The following MED12L variants were observed in gnomAD, a reference collection of about 807,000 sequenced individuals.
The protein encoded by MED12L is mediator complex subunit 12L.
In MED12L, 60 loss-of-function variants were observed where a neutral mutation model predicts 281.3. The ratio of observed to expected loss-of-function variants is 0.21; its 90% CI spans 0.17 to 0.26. The LOEUF is 0.26. Among genes scored for constraint, MED12L ranks in the 10% least tolerant of loss-of-function variants. MED12L has a pLI of 1.00. For missense variants in MED12L, 2,146 were observed against 2,680.9 expected (o/e 0.80, Z 4.41); for synonymous variants, 974 against 987.2 (o/e 0.99, Z 0.25).
At chr3:151,249,990 T>C (rs1006399470) in intron 16 of MED12L, among the ~76,000 whole-genome samples, 5 of 152,168 alleles carry the variant, frequency 3.3e-5, no homozygotes, top group Non-Finnish European at 7.3e-5. Context: ...ATGCCTGTTA[T>C]CATTATCAAA....
Position 151,116,064 on chromosome 3 carries a change from C to CAAA in MED12L, c.100-253_100-251dup, listed in dbSNP as rs59017489. 3.1e-4 allele frequency among the ~76,000 whole-genome samples: 29 copies of CAAA among 92,260 alleles called. 1 individual carries two copies. Among genetic ancestry groups the CAAA allele is most frequent in the East Asian group, 5.8e-4 (2 of 3,446 alleles). The allele number at this position is 92,260 out of a possible 152,430, so 60.5% of individuals were successfully genotyped here. On this transcript the variant is annotated intron_variant, in intron 2 of 44. Coordinates refer to ENST00000687756, the MANE Select transcript of MED12L (RefSeq NM_001393769.1). The stretch of plus-strand genomic sequence containing the variant: ...GGGCGACAGAGCGAGACTCCATCTC[C>CAAA]AAAAAAAAAAAAAAAAAAAAAAAGA...
At chr3:151,176,652 T>C (rs1428821711) in intron 11 of MED12L, among the ~76,000 whole-genome samples, 1 of 152,138 alleles carries the variant, frequency 6.6e-6, no homozygotes, top group African/African-American at 2.4e-5. Context: ...GGCATAATCC[T>C]TTTATGCAAA....
chr3:151,219,921 C>T (rs1302059610), intron 16 of MED12L, among the ~76,000 whole-genome samples: 3 of 117,278 alleles, frequency 2.6e-5, no homozygotes, highest in Admixed American at 1.1e-4. Flanking sequence ...TATGGATGAT[C>T]GAATCAATTT....
chr3:151,178,683 T>C (rs1055401715), intron 11 of MED12L, among the ~76,000 whole-genome samples: 1 of 152,204 alleles, frequency 6.6e-6, no homozygotes, highest in African/African-American at 2.4e-5. Flanking sequence ...AGTTTCCTTA[T>C]TTGTAAACTG....
intron 16 of MED12L, among the ~76,000 whole-genome samples, chr3:151,226,150 C>T (rs1730448594): frequency 6.6e-6 from 1 of 152,176 alleles, no homozygotes; most frequent in Non-Finnish European, 1.5e-5. Context: ...CACAGGAACA[C>T]AGTGAGCACG....
chr3:151,430,357 G>A lies in MED12L; in HGVS notation c.6467G>A (p.Arg2156Gln), dbSNP rs1006508257. The A allele has an allele frequency of 4.3e-6, 7 of 1,614,028 alleles. No individual in the cohort carries two copies. The highest frequency in any genetic ancestry group is 1.6e-4 in the Middle Eastern group (1 of 6,062). Residue 2156 changes from arginine to glutamine, a missense_variant, in exon 44 of 45, where the codon CGG becomes CAG. Arg to Gln is a conservative substitution (Grantham distance 43). This residue lies in a region of MED12L where 5 missense variants were observed against 19.9 expected (regional missense o/e 0.25). Transcript: ENST00000687756. The stretch of plus-strand genomic sequence containing the variant: ...CAGCAGCAGACGGCCGCCTTGGTGC[G>A]GCAGCTCCAGAAGCAGCTTTCCAGT... ...QQQQQTAALV[R>Q]QLQKQLSSNQ...
At chr3:151,157,425 C>T (rs558813512) in intron 6 of MED12L, among the ~76,000 whole-genome samples, 1 of 152,192 alleles carries the variant, frequency 6.6e-6, no homozygotes, top group East Asian at 1.9e-4. Flanking sequence ...AAAGCATCTA[C>T]AGGATGGACT....
chr3:151,089,622 C>T (rs1308316406), intron 2 of MED12L, among the ~76,000 whole-genome samples: 1 of 149,586 alleles, frequency 6.7e-6, no homozygotes, highest in Non-Finnish European at 1.5e-5. Context: ...CAGAAAAGGG[C>T]TCCCAGAAGG....
At chr3:151,284,724 T>G (rs952011213) in intron 16 of MED12L, among the ~76,000 whole-genome samples, 1 of 152,200 alleles carries the variant, frequency 6.6e-6, no homozygotes, top group Non-Finnish European at 1.5e-5. Context: ...TTCTTCTGCC[T>G]CAGCCTCCCA....
At chr3:151,360,404 TA>T in intron 20 of MED12L, 69 bp from the exon 21 acceptor site, 1 of 1,430,114 alleles carries the variant, frequency 7.0e-7, no homozygotes, top group Non-Finnish European at 9.6e-7. Flanking sequence ...ATTTTCATTC[TA>T]AAAGAGTCAA....
At chr3:151,258,030 A>G (rs1208779245) in intron 16 of MED12L, among the ~76,000 whole-genome samples, 1 of 152,154 alleles carries the variant, frequency 6.6e-6, no homozygotes, top group Non-Finnish European at 1.5e-5. Flanking sequence ...AGCTGTATTT[A>G]TTTTTGATAT....
At chr3:151,336,103 AAAG>A (rs1376357334) in intron 16 of MED12L, among the ~76,000 whole-genome samples, 1 of 152,190 alleles carries the variant, frequency 6.6e-6, no homozygotes, top group Non-Finnish European at 1.5e-5. Context: ...GTTATATGCA[AAAG>A]AAGAAGGTTA....
chr3:151,384,591 G>A (rs753258374), intron 35 of MED12L: 11 of 189,736 alleles, frequency 5.8e-5, no homozygotes, highest in South Asian at 1.4e-4. Context: ...TCATTTGACC[G>A]ACCACTAACA....
intron 16 of MED12L, among the ~76,000 whole-genome samples, chr3:151,244,476 C>G (rs1445463018): frequency 6.8e-6 from 1 of 146,704 alleles, no homozygotes. Context: ...CTCAAAACCA[C>G]TCAACTACAT....
At chr3:151,309,903 A>C (rs1465009584) in intron 16 of MED12L, among the ~76,000 whole-genome samples, 1 of 152,112 alleles carries the variant, frequency 6.6e-6, no homozygotes, top group African/African-American at 2.4e-5. Flanking sequence ...TATTTTTAAC[A>C]ATTTTTTTTT....
chr3:151,330,301 A>G lies in MED12L; in HGVS notation c.2251-19758A>G, dbSNP rs1750202255. ...GAATGAATTGCAAATCCAGATAGAG[A>G]TATTATACTCTTTCACTTAGTAGAG... is the stretch of plus-strand genomic sequence containing the variant. On this transcript the variant is annotated intron_variant, in intron 16 of 44. Coordinates refer to ENST00000687756, the MANE Select transcript of MED12L (RefSeq NM_001393769.1). Among the ~76,000 whole-genome samples, 2 of 152,144 alleles carry G rather than the reference A, an allele frequency of 1.3e-5. 1 individual carries two copies. The highest frequency in any genetic ancestry group is 1.3e-4 in the Admixed American group (2 of 15,254).
At chr3:151,162,225 G>C (rs1244135204) in intron 8 of MED12L, among the ~76,000 whole-genome samples, 1 of 152,074 alleles carries the variant, frequency 6.6e-6, no homozygotes, top group Non-Finnish European at 1.5e-5. Flanking sequence ...ACAAGGAAGG[G>C]CTCTGTCAGG....
At chr3:151,242,131 G>T (rs1232394121) in intron 16 of MED12L, among the ~76,000 whole-genome samples, 2 of 152,198 alleles carry the variant, frequency 1.3e-5, no homozygotes, top group African/African-American at 2.4e-5. Flanking sequence ...CTACGCCCAT[G>T]GAGTCTCGCT....
At chr3:151,411,928 G>A (rs1177561979) in intron 41 of MED12L, among the ~76,000 whole-genome samples, 1 of 152,192 alleles carries the variant, frequency 6.6e-6, no homozygotes, top group Non-Finnish European at 1.5e-5. Context: ...TGTGCATGGT[G>A]CACATGAGAG....
Sources: allele counts gnomAD v4.1 joint callset (sites outside exome capture counted in the v4.1 genomes callset), GRCh38; gene constraint gnomAD v4.1.1; regional missense constraint gnomAD v4.1.1; transcripts MANE v1.5; gene names NCBI Gene and HGNC (gene_info 2026-07-23, HGNC 2026-07-21).